TAOK1: variants seen among roughly 807,000 people sequenced by gnomAD.
TAOK1 encodes serine/threonine-protein kinase TAO1.
A neutral mutation model predicts 138.3 loss-of-function variants in TAOK1; 21 were observed. The observed-to-expected ratio is 0.15, with a 90% CI of 0.11 to 0.22. The LOEUF is 0.22. Among genes scored for constraint, TAOK1 ranks in the 10% least tolerant of loss-of-function variants. The pLI is 1.00. For synonymous variants in TAOK1, 361 were observed against 398.4 expected (o/e 0.91, Z 1.12); for missense variants, 651 against 1,227.7 (o/e 0.53, Z 7.02).
At chr17:29,408,535 A>G (rs905977979) in intron 1 of TAOK1, among the ~76,000 whole-genome samples, 5 of 151,682 alleles carry the variant, frequency 3.3e-5, no homozygotes, top group Middle Eastern at 3.2e-3. Context: ...TTTTCAATCA[A>G]TTTTACCAAG....
At chr17:29,400,282 T>C (rs1904796434) in intron 1 of TAOK1, among the ~76,000 whole-genome samples, 1 of 150,128 alleles carries the variant, frequency 6.7e-6, no homozygotes, top group Admixed American at 6.7e-5. Flanking sequence ...TAATCCCAGC[T>C]ACTTGGGAGG....
intron 1 of TAOK1, among the ~76,000 whole-genome samples, chr17:29,419,486 G>A (rs967330083): frequency 1.4e-5 from 2 of 146,972 alleles, no homozygotes; most frequent in Non-Finnish European, 3.0e-5. Flanking sequence ...CACTGCGCCC[G>A]GCAGTATTTT....
At chr17:29,400,283 A>G (rs188459671) in intron 1 of TAOK1, among the ~76,000 whole-genome samples, 29 of 151,496 alleles carry the variant, frequency 1.9e-4, no homozygotes, top group Admixed American at 1.3e-3. Context: ...AATCCCAGCT[A>G]CTTGGGAGGC....
At chr17:29,395,824 A>T (rs1179771356) in intron 1 of TAOK1, among the ~76,000 whole-genome samples, 2 of 72,106 alleles carry the variant, frequency 2.8e-5, no homozygotes, top group African/African-American at 1.3e-4. Flanking sequence ...CGTCTGGCTA[A>T]TTTTTTTTTT....
intron 2 of TAOK1, among the ~76,000 whole-genome samples, chr17:29,458,983 G>A (rs932205759): frequency 1.3e-5 from 2 of 151,966 alleles, no homozygotes; most frequent in Non-Finnish European, 2.9e-5. Context: ...GCCTCCCAAC[G>A]TGCTGAGATT....
At chr17:29,536,700 CTTTT>C (rs547178969) in intron 19 of TAOK1, among the ~76,000 whole-genome samples, 2 of 128,556 alleles carry the variant, frequency 1.6e-5, no homozygotes, top group Admixed American at 1.6e-4. Context: ...GTCATTCAAA[CTTTT>C]TTTTTTTTTT....
chr17:29,468,247 C>G (rs2030728888), intron 3 of TAOK1, among the ~76,000 whole-genome samples: 1 of 149,460 alleles, frequency 6.7e-6, no homozygotes, highest in Non-Finnish European at 1.5e-5. Flanking sequence ...AGCAATTCTC[C>G]TGCTTCAGCC....
intron 2 of TAOK1, among the ~76,000 whole-genome samples, chr17:29,461,869 G>C (rs2030539702): frequency 6.6e-6 from 1 of 152,022 alleles, no homozygotes; most frequent in African/African-American, 2.4e-5. Context: ...ACTCAAAGCA[G>C]GTTTTTTCTG....
At chr17:29,528,413 A>AT (rs1567745374) in intron 17 of TAOK1, among the ~76,000 whole-genome samples, 2 of 152,212 alleles carry the variant, frequency 1.3e-5, no homozygotes, top group Admixed American at 6.5e-5. Context: ...ATTGCGAAGT[A>AT]TATCTCTACC....
At chr17:29,435,926 C>G (rs1272756891) in intron 1 of TAOK1, among the ~76,000 whole-genome samples, 1 of 152,090 alleles carries the variant, frequency 6.6e-6, no homozygotes, top group Admixed American at 6.6e-5. Flanking sequence ...GTCAGGAGTT[C>G]GAGACCAGCC....
chr17:29,459,639 A>G (rs908299074), intron 2 of TAOK1, among the ~76,000 whole-genome samples: 7 of 151,830 alleles, frequency 4.6e-5, no homozygotes, highest in African/African-American at 7.3e-5. Flanking sequence ...TTCTTTATCT[A>G]TTTGTCTGTT....
chr17:29,480,509 T>A (rs1451992743), intron 7 of TAOK1, 28 bp downstream of exon 7: 4 of 1,551,324 alleles, frequency 2.6e-6, no homozygotes, highest in Non-Finnish European at 3.5e-6. Context: ...AGTCAGCAGC[T>A]GTTTTAAGTG....
intron 1 of TAOK1, among the ~76,000 whole-genome samples, chr17:29,447,310 T>C (rs912038553): frequency 6.6e-6 from 1 of 152,162 alleles, no homozygotes. Context: ...TATTAACTCT[T>C]ATGTAAGTTT....
intron 15 of TAOK1, 157 bp downstream of exon 15, chr17:29,511,149 ACCCT>A: frequency 1.6e-5 from 8 of 490,558 alleles, no homozygotes; most frequent in Non-Finnish European, 2.7e-5. Flanking sequence ...ATAATCAGTT[ACCCT>A]TAACTGAGTC....
intron 15 of TAOK1, chr17:29,512,786 C>T (rs2031746472): frequency 6.6e-6 from 1 of 151,880 alleles, no homozygotes; most frequent in South Asian, 2.1e-4. Context: ...AGGTTCACAC[C>T]ATTCTCCTGC....
Position 29,477,699 on chromosome 17 carries a change from A to G in TAOK1, c.345A>G (p.Leu115=), listed in dbSNP as rs1228478002. Residue 115 remains leucine, a synonymous_variant, in exon 5 of 20, where the codon TTA becomes TTG. Transcript: ENST00000261716. ...ATTGTTTAGGATCTGCTTCGGATTTACTAGAAGGTAAGTTCCCTTTGATTA... is the reference window on the plus strand; with the variant it reads ...ATTGTTTAGGATCTGCTTCGGATTTGCTAGAAGGTAAGTTCCCTTTGATTA... ...MEYCLGSASD[L]LEVHKKPLQE... 7.1e-7 allele frequency: 1 copy of G among 1,410,296 alleles called. No homozygotes were observed. The highest frequency in any genetic ancestry group is 9.3e-7 in the Non-Finnish European group (1 of 1,070,992). 87.4% of individuals were successfully genotyped at this position (1,410,296 alleles called of 1,614,324 possible).
chr17:29,405,879 A>G (rs1904977741), intron 1 of TAOK1, among the ~76,000 whole-genome samples: 1 of 152,174 alleles, frequency 6.6e-6, no homozygotes. Context: ...TTTTGAGTGC[A>G]GCATTCTAGG....
rs1491526747 is a variant in TAOK1 at position 29,409,334 on chromosome 17, T to TATATATATATATATA, written c.-95+18310_-95+18311insATATATATATATATA. On this transcript the variant is annotated intron_variant, in intron 1 of 19. Coordinates refer to ENST00000261716, the MANE Select transcript of TAOK1 (RefSeq NM_020791.4). ...ATATATATATATATATATATATATA[T>TATATATATATATATA]TTTTTTTTTTTTTTTTTTGAGATGG... Among the ~76,000 whole-genome samples the TATATATATATATATA allele has an allele frequency of 1.1e-4, 5 of 44,514 alleles. 1 individual carries two copies. Among genetic ancestry groups the TATATATATATATATA allele is most frequent in the African/African-American group, 2.8e-4 (3 of 10,528 alleles). 29.2% of individuals were successfully genotyped at this position (44,514 alleles called of 152,430 possible).
At chr17:29,523,327 C>A (rs1041230854) in intron 17 of TAOK1, among the ~76,000 whole-genome samples, 2 of 151,592 alleles carry the variant, frequency 1.3e-5, no homozygotes, top group Admixed American at 1.3e-4. Context: ...CTTGTTCCTC[C>A]AGCCACCTGG....
Sources: allele counts gnomAD v4.1 joint callset (sites outside exome capture counted in the v4.1 genomes callset), GRCh38; gene constraint gnomAD v4.1.1; transcripts MANE v1.5; gene names NCBI Gene and HGNC (gene_info 2026-07-23, HGNC 2026-07-21).